Variants in RABGAP1L observed in about 807,000 individuals in gnomAD.
RABGAP1L encodes the protein RAB GTPase activating protein 1 like, also known as rab GTPase-activating protein 1-like.
Under a neutral mutation model 137.7 loss-of-function variants are expected in RABGAP1L, and 63 were observed. That is an observed-to-expected ratio of 0.46 (90% CI 0.37 to 0.56). RABGAP1L has a LOEUF of 0.56. Ranked by LOEUF, RABGAP1L falls within the 20% of genes least tolerant of loss-of-function variation. The pLI, the probability that RABGAP1L is intolerant of heterozygous loss-of-function variation, is 0.00. For synonymous variants in RABGAP1L, 431 were observed against 433.7 expected (o/e 0.99, Z 0.08); for missense variants, 1,095 against 1,244.0 (o/e 0.88, Z 1.80).
chr1:174,204,282 T>C (rs1668344178), intron 1 of RABGAP1L, among the ~76,000 whole-genome samples: 1 of 152,174 alleles, frequency 6.6e-6, no homozygotes, highest in South Asian at 2.1e-4. Context: ...GAAACTTTGC[T>C]GAAGTTGTTT....
In RABGAP1L at chr1:174,374,142, A is replaced by G. The variant is rs1685324821; in HGVS notation, c.1559+3070A>G. Among the ~76,000 whole-genome samples, 6 of 152,324 alleles carry G rather than the reference A, an allele frequency of 3.9e-5. No individual in the cohort carries two copies. In the South Asian group the frequency reaches 1.2e-3, roughly 32 times the overall value. ...ATAGTATTGGATGTAATGGTAGCGT[A>G]TGCATTGATACCACAGCTTGGCTGC... On this transcript the variant is annotated intron_variant, in intron 12 of 25. Transcript: ENST00000681986.
chr1:174,297,405 G>A (rs1032749354), intron 10 of RABGAP1L, among the ~76,000 whole-genome samples: 9 of 152,090 alleles, frequency 5.9e-5, no homozygotes, highest in African/African-American at 1.9e-4. Flanking sequence ...GCCTCCCGCC[G>A]GCTCTTCAAA....
At chr1:174,220,339 A>G (rs962180247) in intron 2 of RABGAP1L, among the ~76,000 whole-genome samples, 1 of 152,186 alleles carries the variant, frequency 6.6e-6, no homozygotes, top group Non-Finnish European at 1.5e-5. Flanking sequence ...ATTTAAGGTT[A>G]TCTGATTTTT....
At chr1:174,861,734 G>C (rs115063220) in intron 19 of RABGAP1L, among the ~76,000 whole-genome samples, 2,420 of 152,018 alleles carry the variant, frequency 0.016, 23 homozygotes, top group Non-Finnish European at 0.025. Flanking sequence ...ATACTTGCTG[G>C]CTGTATTTAT....
chr1:174,711,663 G>A (rs1001341692), intron 17 of RABGAP1L, among the ~76,000 whole-genome samples: 7 of 152,184 alleles, frequency 4.6e-5, no homozygotes, highest in Admixed American at 3.3e-4. Flanking sequence ...GCAGCCTGCC[G>A]TGCCCGAGTG....
chr1:174,552,636 T>G (rs1423547278), intron 13 of RABGAP1L, among the ~76,000 whole-genome samples: 2 of 152,154 alleles, frequency 1.3e-5, no homozygotes, highest in African/African-American at 4.8e-5. Flanking sequence ...TGATGGGCAT[T>G]TAGGTTCATT....
chr1:174,967,659 A>AT (rs1221214201), intron 20 of RABGAP1L, among the ~76,000 whole-genome samples: 6 of 151,506 alleles, frequency 4.0e-5, no homozygotes, highest in Non-Finnish European at 7.4e-5. Flanking sequence ...AATTTTTAAA[A>AT]ATTTTTTTGT....
At chr1:174,386,715 G>C (rs1309807635) in intron 12 of RABGAP1L, among the ~76,000 whole-genome samples, 2 of 151,980 alleles carry the variant, frequency 1.3e-5, no homozygotes, top group Admixed American at 6.6e-5. Flanking sequence ...CACCATGTTG[G>C]CCGGGCTGGT....
At position 174,421,948 on chromosome 1, in the gene RABGAP1L, T is replaced by TA. The variant is rs561493570; in HGVS notation, c.1710+27804dup. The stretch of plus-strand genomic sequence containing the variant: ...CATGCCTGGCTAATTTTTGTATTTT[T>TA]AGTAGAGACAGGGTTTCGCTATATT... On this transcript the variant is annotated intron_variant, in intron 13 of 25. Transcript: ENST00000681986. Among the ~76,000 whole-genome samples, 361 of 152,274 alleles carry TA rather than the reference T, an allele frequency of 2.4e-3. 1 individual carries two copies. Among genetic ancestry groups the TA allele is most frequent in the Middle Eastern group, 3.4e-3 (1 of 294 alleles).
At chr1:174,376,926 G>T (rs1685597087) in intron 12 of RABGAP1L, among the ~76,000 whole-genome samples, 1 of 152,126 alleles carries the variant, frequency 6.6e-6, no homozygotes, top group Non-Finnish European at 1.5e-5. Flanking sequence ...TATTTGCAGA[G>T]ATGTGATTGT....
At chr1:174,300,631 A>G (rs563131396) in intron 10 of RABGAP1L, among the ~76,000 whole-genome samples, 1 of 151,452 alleles carries the variant, frequency 6.6e-6, no homozygotes, top group African/African-American at 2.4e-5. Context: ...AAATACTTGA[A>G]GCCAGGCCTG....
intron 4 of RABGAP1L, among the ~76,000 whole-genome samples, chr1:174,238,193 C>G (rs1485580007): frequency 6.6e-6 from 1 of 151,946 alleles, no homozygotes; most frequent in Non-Finnish European, 1.5e-5. Context: ...TCAAAGTTTT[C>G]AACTTCTTTG....
Position 174,989,931 on chromosome 1 carries a change from TCAAA to T in RABGAP1L, c.3087_3090del (p.Lys1030ArgfsTer48). The stretch of plus-strand genomic sequence containing the variant: ...TGGTTTAGCAAAACCCTGAACTCTA[TCAAA>T]ACGGCCACGGGCACCCAGCCATTGC... On this transcript the variant is annotated frameshift_variant, in exon 26 of 26. Transcript: ENST00000681986. LOFTEE classifies it high-confidence loss of function. 1 of 1,549,970 alleles carries T rather than the reference TCAAA, an allele frequency of 6.5e-7. No homozygotes were observed. Among genetic ancestry groups the T allele is most frequent in the Non-Finnish European group, 8.7e-7 (1 of 1,146,424 alleles).
chr1:174,364,689 A>G (rs980931454), intron 11 of RABGAP1L, among the ~76,000 whole-genome samples: 1 of 152,110 alleles, frequency 6.6e-6, no homozygotes, highest in South Asian at 2.1e-4. Context: ...TTCAGTATCC[A>G]TTGTAATGTC....
intron 1 of RABGAP1L, among the ~76,000 whole-genome samples, chr1:174,206,796 T>G (rs186563296): frequency 6.6e-6 from 1 of 152,200 alleles, no homozygotes; most frequent in Admixed American, 6.5e-5. Flanking sequence ...ATTGTTGTAC[T>G]ATTTCTTGTA....
At chr1:174,770,721 C>T (rs1481329296) in intron 18 of RABGAP1L, among the ~76,000 whole-genome samples, 1 of 152,192 alleles carries the variant, frequency 6.6e-6, no homozygotes, top group African/African-American at 2.4e-5. Flanking sequence ...TTCTGCTTTG[C>T]TCTTGTCTTT....
At chr1:174,331,974 G>T in intron 11 of RABGAP1L, among the ~76,000 whole-genome samples, 1 of 152,024 alleles carries the variant, frequency 6.6e-6, no homozygotes, top group Middle Eastern at 3.2e-3. Flanking sequence ...ATGGAGTCTC[G>T]CTCTGTCTCC....
chr1:174,418,744 A>G (rs1038235710), intron 13 of RABGAP1L, among the ~76,000 whole-genome samples: 2 of 152,160 alleles, frequency 1.3e-5, no homozygotes, highest in Non-Finnish European at 2.9e-5. Flanking sequence ...TAGTGTCTAA[A>G]TTTTAGAATA....
chr1:174,974,592 C>G (rs559947682), intron 21 of RABGAP1L, among the ~76,000 whole-genome samples: 1 of 152,140 alleles, frequency 6.6e-6, no homozygotes, highest in East Asian at 1.9e-4. Flanking sequence ...GTTAGATTTT[C>G]CCCCCTAAAA....
Sources: allele counts gnomAD v4.1 joint callset (sites outside exome capture counted in the v4.1 genomes callset), GRCh38; gene constraint gnomAD v4.1.1; transcripts MANE v1.5; gene names NCBI Gene and HGNC (gene_info 2026-07-23, HGNC 2026-07-21).